Variants in ENPEP observed in about 807,000 individuals in gnomAD.
ENPEP encodes the protein glutamyl aminopeptidase.
ENPEP carries 103 observed loss-of-function variants against 114.5 expected under a neutral mutation model. That is an observed-to-expected ratio of 0.90 (90% CI 0.77 to 1.06). ENPEP has a LOEUF of 1.06. Ranked by LOEUF, ENPEP falls within the 50% of genes least tolerant of loss-of-function variation. The pLI is 0.00. For missense variants in ENPEP, 1,196 were observed against 1,161.3 expected (o/e 1.03, Z -0.43); for synonymous variants, 420 against 422.0 (o/e 1.00, Z 0.06).
rs144217396 is a variant in ENPEP, at chr4:110,539,824, T to C, written c.1808-2927T>C. 7.7e-3 allele frequency among the ~76,000 whole-genome samples: 1,172 copies of C among 152,220 alleles called. 8 individuals carry two copies. The highest frequency in any genetic ancestry group is 0.027 in the African/African-American group (1,127 of 41,556). On this transcript the variant is annotated intron_variant, in intron 11 of 19. Coordinates refer to ENST00000265162, the MANE Select transcript of ENPEP (RefSeq NM_001977.4). ...TCATCACCTAAGAAAAATGTTTTTT[T>C]CTCTAGGAATCTCAGGCTATCATAA...
chr4:110,549,242 T>G, intron 14 of ENPEP, 104 bp from the exon 15 acceptor site: 2 of 917,270 alleles, frequency 2.2e-6, no homozygotes, highest in Non-Finnish European at 1.7e-6. Flanking sequence ...GTTCTCTGAA[T>G]TAGTAGGAAA....
chr4:110,500,785 T>C (rs1725125069), intron 3 of ENPEP, among the ~76,000 whole-genome samples: 1 of 152,152 alleles, frequency 6.6e-6, no homozygotes, highest in Non-Finnish European at 1.5e-5. Flanking sequence ...TATTAAATAA[T>C]GATGACGAGT....
chr4:110,555,862 T>G lies in ENPEP; in HGVS notation c.2642+2407T>G, dbSNP rs190051000. Among the ~76,000 whole-genome samples the G allele has an allele frequency of 4.7e-4, 71 of 152,158 alleles. 1 individual carries two copies. The East Asian group carries it at 0.012, about 26-fold the overall frequency. On this transcript the variant is annotated intron_variant, in intron 18 of 19. Coordinates refer to ENST00000265162, the MANE Select transcript of ENPEP (RefSeq NM_001977.4). ...AATTATTTAAAATATAATTAAATCCTTATTTTAGTTTTTAAAAATAACCAA... is the reference window on the plus strand; with the variant it reads ...AATTATTTAAAATATAATTAAATCCGTATTTTAGTTTTTAAAAATAACCAA...
chr4:110,484,043 G>A (rs181843218), intron 1 of ENPEP, among the ~76,000 whole-genome samples: 27 of 152,234 alleles, frequency 1.8e-4, no homozygotes, highest in African/African-American at 5.3e-4. Context: ...TATACACCAA[G>A]TAATTTTGTT....
At chr4:110,480,393 T>C (rs1724266240) in intron 1 of ENPEP, among the ~76,000 whole-genome samples, 1 of 152,200 alleles carries the variant, frequency 6.6e-6, no homozygotes, top group Non-Finnish European at 1.5e-5. Context: ...AGGCTCCATA[T>C]AAGGGCCACC....
chr4:110,478,146 T>A (rs1343369001), intron 1 of ENPEP, among the ~76,000 whole-genome samples: 1 of 152,220 alleles, frequency 6.6e-6, no homozygotes, highest in Non-Finnish European at 1.5e-5. Flanking sequence ...GTTTTAAGCA[T>A]CTTACAGAGC....
intron 13 of ENPEP, among the ~76,000 whole-genome samples, chr4:110,546,277 G>C (rs1313948453): frequency 6.6e-6 from 1 of 151,850 alleles, no homozygotes; most frequent in Non-Finnish European, 1.5e-5. Flanking sequence ...CTTAGTCTTG[G>C]GGCCTTGCCA....
At chr4:110,492,530 A>G (rs1724766216) in intron 3 of ENPEP, among the ~76,000 whole-genome samples, 1 of 152,190 alleles carries the variant, frequency 6.6e-6, no homozygotes, top group African/African-American at 2.4e-5. Context: ...TATACAAATT[A>G]TAGCGAGTGG....
chr4:110,527,323 C>T (rs556952171), intron 10 of ENPEP, among the ~76,000 whole-genome samples: 1 of 152,126 alleles, frequency 6.6e-6, no homozygotes, highest in Non-Finnish European at 1.5e-5. Context: ...CACCCAGCCT[C>T]CCACACTAAG....
intron 18 of ENPEP, among the ~76,000 whole-genome samples, chr4:110,559,363 G>A (rs538713925): frequency 2.6e-5 from 4 of 151,226 alleles, no homozygotes; most frequent in Non-Finnish European, 5.9e-5. Flanking sequence ...CTAGCAGGGC[G>A]CTCATGTGTG....
At chr4:110,534,045 A>G (rs1389885071) in intron 11 of ENPEP, among the ~76,000 whole-genome samples, 3 of 152,152 alleles carry the variant, frequency 2.0e-5, no homozygotes, top group African/African-American at 4.8e-5. Context: ...AGGCTGTACA[A>G]TAAGTTCCTG....
chr4:110,524,806 T>A (rs1257029639), intron 10 of ENPEP, among the ~76,000 whole-genome samples: 7 of 152,226 alleles, frequency 4.6e-5, no homozygotes, highest in Non-Finnish European at 1.0e-4. Context: ...TCACATAGGC[T>A]GGAGTGCATT....
At chr4:110,506,976 CT>C (rs1182816459) in intron 4 of ENPEP, among the ~76,000 whole-genome samples, 1 of 152,130 alleles carries the variant, frequency 6.6e-6, no homozygotes, top group East Asian at 1.9e-4. Context: ...GTACTGTGTT[CT>C]TATCTGATGA....
intron 11 of ENPEP, chr4:110,533,232 T>G (rs1241560404): frequency 3.5e-6 from 1 of 287,090 alleles, no homozygotes; most frequent in Non-Finnish European, 7.2e-6. Context: ...TCCAGATAAC[T>G]AAAGCTTACT....
rs774413205 is a variant in ENPEP, at chr4:110,488,610, C to T, written c.714C>T (p.Asn238=). The change falls in exon 2 of 20, where the codon AAC becomes AAT. Residue 238 remains asparagine (N), a synonymous_variant. Transcript: ENST00000265162. ...CTTTTCCTTGTTTTGATGAGCCCAA[C>T]AAAAAGGCAACTTATACAATATCTA... The part of the protein sequence containing the change: ...RKSFPCFDEP[N]KKATYTISIT... The T allele has an allele frequency of 2.5e-6, 4 of 1,613,778 alleles. No individual in the cohort carries two copies. The highest frequency in any genetic ancestry group is 2.7e-5 in the African/African-American group (2 of 74,894).
chr4:110,510,160 G>C, intron 5 of ENPEP, 85 bp from the exon 6 acceptor site: 1 of 1,129,654 alleles, frequency 8.9e-7, no homozygotes, highest in Non-Finnish European at 1.3e-6. Context: ...ACATTGGCAC[G>C]GACAAATAAA....
At chr4:110,536,315 A>G (rs1252140706) in intron 11 of ENPEP, among the ~76,000 whole-genome samples, 1 of 152,152 alleles carries the variant, frequency 6.6e-6, no homozygotes, top group African/African-American at 2.4e-5. Context: ...CCTGACTGTC[A>G]TCTTTCCTAG....
Position 110,564,561 on chromosome 4 carries a change from A to G in ENPEP, c.*3003A>G, listed in dbSNP as rs1054405762. On this transcript the variant is annotated 3_prime_UTR_variant, in exon 20 of 20. Coordinates refer to ENST00000265162, the MANE Select transcript of ENPEP (RefSeq NM_001977.4). ...ATTATTGTTACTATTATATCTCCCC[A>G]TCCCTACTTAAGACACTAGTTTGAA... 1.3e-5 allele frequency: 2 copies of G among 152,312 alleles called. No homozygotes were observed. Among genetic ancestry groups the G allele is most frequent in the Admixed American group, 1.3e-4 (2 of 15,292 alleles). The allele number at this position is 152,312 out of a possible 1,614,324, so 9.4% of individuals were successfully genotyped here.
chr4:110,509,823 A>G lies in ENPEP; in HGVS notation c.1194+16A>G. The G allele has an allele frequency of 1.9e-6, 3 of 1,604,450 alleles. No homozygotes were observed. The highest frequency in any genetic ancestry group is 2.3e-5 in the South Asian group (2 of 88,562). Reference sequence around the variant, plus strand: ...TGTGCATCAGGTACAGAATCTTAGCACTGAATCAGCTTGTTTTTTTAAAGT... The same window carrying G: ...TGTGCATCAGGTACAGAATCTTAGCGCTGAATCAGCTTGTTTTTTTAAAGT... On this transcript the variant is annotated intron_variant, in intron 5 of 19. Transcript: ENST00000265162.
Sources: allele counts gnomAD v4.1 joint callset (sites outside exome capture counted in the v4.1 genomes callset), GRCh38; gene constraint gnomAD v4.1.1; transcripts MANE v1.5; gene names NCBI Gene and HGNC (gene_info 2026-07-23, HGNC 2026-07-21).